PDE4D: variants seen among roughly 807,000 people sequenced by gnomAD.
PDE4D encodes phosphodiesterase 4D, also known as 3',5'-cyclic-AMP phosphodiesterase 4D.
A neutral mutation model predicts 87.4 loss-of-function variants in PDE4D; 24 were observed. The observed-to-expected ratio is 0.27, with a 90% CI of 0.20 to 0.39. The LOEUF is 0.39. Ranked by LOEUF, PDE4D falls within the 10% of genes least tolerant of loss-of-function variation. The pLI, the probability that PDE4D is intolerant of heterozygous loss-of-function variation, is 1.00. For synonymous variants in PDE4D, 384 were observed against 383.2 expected, an observed-to-expected ratio of 1.00 and a Z score of -0.02; for missense variants, 714 against 1,041.0, an observed-to-expected ratio of 0.69 and a Z score of 4.32.
At chr5:59,018,958 T>TTA (rs386403890) in intron 6 of PDE4D, among the ~76,000 whole-genome samples, 2 of 151,428 alleles carry the variant, frequency 1.3e-5, no homozygotes, top group African/African-American at 4.9e-5. Context: ...TTTTTTTTTT[T>TTA]AACCAGAAAT....
chr5:59,566,497 G>T (rs1225243134), intron 1 of PDE4D, among the ~76,000 whole-genome samples: 1 of 151,744 alleles, frequency 6.6e-6, no homozygotes, highest in Non-Finnish European at 1.5e-5. Context: ...AACCCTGTGT[G>T]TCTTTCTCCC....
chr5:59,190,593 A>T (rs1744090397), intron 3 of PDE4D, among the ~76,000 whole-genome samples: 1 of 152,180 alleles, frequency 6.6e-6, no homozygotes, highest in Non-Finnish European at 1.5e-5. Context: ...AAGTGACATA[A>T]GTATCTTATA....
At chr5:60,499,644 C>G (rs925039565) in intron 1 of PDE4D, among the ~76,000 whole-genome samples, 1 of 152,212 alleles carries the variant, frequency 6.6e-6, no homozygotes, top group Admixed American at 6.5e-5. Context: ...TGTGTGGATT[C>G]CCAGCCATCT....
intron 1 of PDE4D, among the ~76,000 whole-genome samples, chr5:59,744,631 A>C (rs952311461): frequency 2.0e-5 from 3 of 152,164 alleles, no homozygotes; most frequent in Non-Finnish European, 4.4e-5. Flanking sequence ...AAAAGCAGAC[A>C]GATCAAAGCA....
chr5:59,430,265 A>T, intron 1 of PDE4D: 1 of 1,230,868 alleles, frequency 8.1e-7, no homozygotes, highest in African/African-American at 1.6e-5. Flanking sequence ...TTTCACTGAC[A>T]AACAACTAGA....
intron 1 of PDE4D, among the ~76,000 whole-genome samples, chr5:60,471,705 C>G (rs895478595): frequency 2.6e-5 from 4 of 152,166 alleles, no homozygotes; most frequent in Admixed American, 6.5e-5. Context: ...CATTTTTTAA[C>G]AACCAGTATT....
At chr5:59,391,705 T>G (rs1788274073) in intron 1 of PDE4D, among the ~76,000 whole-genome samples, 1 of 151,990 alleles carries the variant, frequency 6.6e-6, no homozygotes, top group Non-Finnish European at 1.5e-5. Flanking sequence ...ACTTTGCTAC[T>G]TCACTCCAGC....
rs539038228 is a variant in PDE4D, at chr5:59,159,590, G to T, written c.808+21005C>A. 2.8e-4 allele frequency among the ~76,000 whole-genome samples: 42 copies of T among 152,210 alleles called. No homozygotes were observed. In the South Asian group the frequency reaches 8.3e-3, roughly 30 times the overall value. ...GGTACAGTGACGACTTACTTATCCA[G>T]ATTAATTATCCAGGAATTTATACTA... On this transcript the variant is annotated intron_variant, in intron 5 of 14. Coordinates refer to ENST00000340635, the MANE Select transcript of PDE4D (RefSeq NM_001104631.2).
In PDE4D at chr5:59,570,256, G is replaced by A. The variant is rs566728294; in HGVS notation, c.455+322912C>T. 3.3e-4 allele frequency among the ~76,000 whole-genome samples: 51 copies of A among 152,244 alleles called. 1 individual carries two copies. Among genetic ancestry groups the A allele is most frequent in the African/African-American group, 1.2e-3 (48 of 41,540 alleles). ...AACTGAACATAATAGTGGGAAGAGA[G>A]TACTCTTTAATCTCAGTATTTAATC... On this transcript the variant is annotated intron_variant, in intron 1 of 14. Transcript: ENST00000340635.
At chr5:59,043,730 G>A (rs1265608912) in intron 5 of PDE4D, among the ~76,000 whole-genome samples, 6 of 139,234 alleles carry the variant, frequency 4.3e-5, no homozygotes, top group South Asian at 4.8e-4. Flanking sequence ...AGCAGGCCCC[G>A]GTGTGTGATG....
At chr5:60,034,128 G>T (rs958326768) in intron 2 of PDE4D, among the ~76,000 whole-genome samples, 22 of 152,286 alleles carry the variant, frequency 1.4e-4, no homozygotes, top group African/African-American at 4.8e-4. Context: ...AAGCAGGAAG[G>T]AAAAGCAGAT....
At chr5:60,493,853 A>G (rs1278037541) in intron 1 of PDE4D, among the ~76,000 whole-genome samples, 3 of 152,106 alleles carry the variant, frequency 2.0e-5, no homozygotes, top group Non-Finnish European at 4.4e-5. Flanking sequence ...TTCTCCATGA[A>G]AGGTGGTTAC....
intron 6 of PDE4D, among the ~76,000 whole-genome samples, chr5:59,000,912 C>T (rs1022243530): frequency 6.6e-6 from 1 of 152,108 alleles, no homozygotes; most frequent in African/African-American, 2.4e-5. Flanking sequence ...TGGTCTCAAA[C>T]TCCTGACCTC....
At chr5:59,392,115 AATC>A (rs1484471222) in intron 1 of PDE4D, among the ~76,000 whole-genome samples, 5 of 151,908 alleles carry the variant, frequency 3.3e-5, no homozygotes, top group Non-Finnish European at 5.9e-5. Flanking sequence ...CTTCTGTGAT[AATC>A]CTGAGTGTGA....
At chr5:60,347,915 G>A (rs1246287608) in intron 1 of PDE4D, among the ~76,000 whole-genome samples, 2 of 152,086 alleles carry the variant, frequency 1.3e-5, no homozygotes, top group Admixed American at 6.6e-5. Context: ...ACCTGGACCT[G>A]GTATTCCCTT....
intron 1 of PDE4D, among the ~76,000 whole-genome samples, chr5:59,437,277 T>C (rs188190701): frequency 6.5e-4 from 99 of 152,328 alleles, no homozygotes; most frequent in Non-Finnish European, 8.1e-4. Context: ...ATGAGTTTAA[T>C]ATACACAACA....
At chr5:59,526,393 T>G (rs941778549) in intron 1 of PDE4D, among the ~76,000 whole-genome samples, 3 of 152,216 alleles carry the variant, frequency 2.0e-5, no homozygotes, top group Admixed American at 1.3e-4. Context: ...TCCTGGTGGT[T>G]TGATTAAAAA....
intron 1 of PDE4D, among the ~76,000 whole-genome samples, chr5:59,547,558 A>G (rs1488853993): frequency 1.3e-5 from 2 of 152,190 alleles, no homozygotes; most frequent in African/African-American, 4.8e-5. Flanking sequence ...TTTATCTCAG[A>G]TAAGAATTCC....
At chr5:59,008,946 A>G (rs1188043101) in intron 6 of PDE4D, among the ~76,000 whole-genome samples, 1 of 152,132 alleles carries the variant, frequency 6.6e-6, no homozygotes, top group African/African-American at 2.4e-5. Context: ...AAGAATCAAA[A>G]AGATCAATAA....
Sources: gnomAD v4.1 joint callset for allele counts (sites outside exome capture counted in the v4.1 genomes callset) on GRCh38, gnomAD v4.1.1 for gene constraint, MANE v1.5 for transcripts, NCBI Gene and HGNC (gene_info 2026-07-23, HGNC 2026-07-21) for gene names.